Variants in FRMD3 observed in about 807,000 individuals in gnomAD.
FRMD3 encodes the protein FERM domain containing 3.
A neutral mutation model predicts 70.2 loss-of-function variants in FRMD3; 33 were observed. That is an observed-to-expected ratio of 0.47 (90% confidence interval 0.36 to 0.63). The LOEUF is 0.63. FRMD3 is among the 20% of genes least tolerant of loss of function. The probability of loss-of-function intolerance (pLI) is 0.00; values close to 1 mark genes in which losing one functional copy is unlikely to be tolerated. For synonymous variants in FRMD3, 279 were observed against 255.9 expected (o/e 1.09, Z -0.86); for missense variants, 632 against 711.4 (o/e 0.89, Z 1.27).
At chr9:83,249,480 C>T (rs1158042358) in intron 13 of FRMD3, among the ~76,000 whole-genome samples, 1 of 152,114 alleles carries the variant, frequency 6.6e-6, no homozygotes, top group African/African-American at 2.4e-5. Context: ...ATCAAAATGG[C>T]AGCCAGGTGC....
intron 1 of FRMD3, among the ~76,000 whole-genome samples, chr9:83,466,399 T>C (rs1828127715): frequency 6.6e-6 from 1 of 152,230 alleles, no homozygotes; most frequent in Non-Finnish European, 1.5e-5. Context: ...AAATTTCTGC[T>C]GTAAACAGAA....
intron 1 of FRMD3, among the ~76,000 whole-genome samples, chr9:83,494,629 A>T (rs1294428326): frequency 6.6e-6 from 1 of 152,232 alleles, no homozygotes; most frequent in Non-Finnish European, 1.5e-5. Context: ...CTGGCTGGAC[A>T]CAATGGCTCA....
At chr9:83,479,720 GAAAAGAAAGGGAAAGAAAGAAAAAGA>G (rs1828509322) in intron 1 of FRMD3, among the ~76,000 whole-genome samples, 1 of 54,966 alleles carries the variant, frequency 1.8e-5, no homozygotes, top group Non-Finnish European at 3.3e-5. Context: ...AAGAAAGAAA[GAAAAGAAAGGGAAAGAAAGAAAAAGA>G]AAAGAGAAGA....
chr9:83,458,351 A>G (rs935973759), intron 1 of FRMD3, among the ~76,000 whole-genome samples: 2 of 152,250 alleles, frequency 1.3e-5, no homozygotes, highest in Admixed American at 6.5e-5. Flanking sequence ...AAGGTACTGT[A>G]ACCCCAGGAT....
the FRMD3 span, among the ~76,000 whole-genome samples, chr9:83,556,374 C>A: frequency 6.6e-6 from 1 of 152,208 alleles, no homozygotes; most frequent in Non-Finnish European, 1.5e-5. Flanking sequence ...AATAGCCATA[C>A]ACATAGTACA....
At chr9:83,540,737 A>C (rs1446733257), upstream of FRMD3, among the ~76,000 whole-genome samples, 1 of 152,254 alleles carries the variant, frequency 6.6e-6, no homozygotes, top group Admixed American at 6.5e-5. Flanking sequence ...AAAGAAAAGT[A>C]GTGATGCACT....
intron 1 of FRMD3, among the ~76,000 whole-genome samples, chr9:83,418,273 T>C (rs576135569): frequency 2.6e-5 from 4 of 151,722 alleles, no homozygotes; most frequent in Non-Finnish European, 5.9e-5. Context: ...TAAAAATAAA[T>C]AAATGGGACC....
rs146268428 is a variant in FRMD3, at chr9:83,326,101, G to A, written c.596+9415C>T. Among the ~76,000 whole-genome samples, 3 of 152,250 alleles carry A rather than the reference G, an allele frequency of 2.0e-5. No individual in the cohort carries two copies. In the East Asian group the frequency reaches 5.8e-4, roughly 29 times the overall value. ...TGATCTGGGTCCAGAACACAGGAAC[G>A]TGAAACCACAGGAAGCCATGTCTAT... is the stretch of plus-strand genomic sequence containing the variant. On this transcript the variant is annotated intron_variant, in intron 6 of 13. Coordinates refer to ENST00000304195, the MANE Select transcript of FRMD3 (RefSeq NM_174938.6).
At chr9:83,419,879 T>C (rs997395135) in intron 1 of FRMD3, among the ~76,000 whole-genome samples, 8 of 152,238 alleles carry the variant, frequency 5.3e-5, no homozygotes, top group Admixed American at 3.9e-4. Context: ...CAAAGATTCA[T>C]CTTTTACAAC....
chr9:83,320,810 T>G (rs1048837120), intron 6 of FRMD3, among the ~76,000 whole-genome samples: 2 of 152,028 alleles, frequency 1.3e-5, no homozygotes, highest in Non-Finnish European at 2.9e-5. Context: ...CCTGGATGGA[T>G]GTTGTTTTGT....
chr9:83,449,501 A>G (rs1041534306), intron 1 of FRMD3, among the ~76,000 whole-genome samples: 1 of 152,188 alleles, frequency 6.6e-6, no homozygotes, highest in Non-Finnish European at 1.5e-5. Context: ...AATGCCATCA[A>G]ATTGGAGGAC....
chr9:83,276,842 T>C (rs1272251710), intron 13 of FRMD3, among the ~76,000 whole-genome samples: 1 of 152,216 alleles, frequency 6.6e-6, no homozygotes, highest in Non-Finnish European at 1.5e-5. Flanking sequence ...CCCGAGTAGC[T>C]GGGATTACAG....
intron 12 of FRMD3, among the ~76,000 whole-genome samples, chr9:83,295,234 C>T (rs1342036240): frequency 6.6e-6 from 1 of 152,014 alleles, no homozygotes; most frequent in East Asian, 1.9e-4. Flanking sequence ...GTAAGATGGG[C>T]AAGAAAAATA....
chr9:83,426,964 C>T (rs1017260650), intron 1 of FRMD3, among the ~76,000 whole-genome samples: 11 of 152,190 alleles, frequency 7.2e-5, no homozygotes, highest in African/African-American at 2.7e-4. Context: ...ACCAAACAAA[C>T]TTATTTCCCC....
chr9:83,324,787 A>T (rs1357011214), intron 6 of FRMD3, among the ~76,000 whole-genome samples: 1 of 152,232 alleles, frequency 6.6e-6, no homozygotes, highest in Non-Finnish European at 1.5e-5. Flanking sequence ...TCAAAGAGAA[A>T]AATAACTTGC....
At position 83,389,658 on chromosome 9, in the gene FRMD3, G is replaced by T. The variant is rs767782128; in HGVS notation, c.198C>A (p.Ser66Arg). The T allele has an allele frequency of 6.2e-7, 1 of 1,613,976 alleles. No individual in the cohort carries two copies. Among genetic ancestry groups the T allele is most frequent in the East Asian group, 2.2e-5 (1 of 44,868 alleles). The change falls in exon 2 of 14, where the codon AGC (serine) becomes AGA (arginine). Residue 66 changes from serine to arginine, a missense_variant. By Grantham distance (110) the Ser-to-Arg change is moderately radical. This residue lies in a region of FRMD3 where 208 missense variants were observed against 247.7 expected (regional missense o/e 0.84). Coordinates refer to ENST00000304195, the MANE Select transcript of FRMD3 (RefSeq NM_174938.6). ...FLIDHICNYY[S>R]LLEKDYFGIR... ...TGCCAAAGTAGTCCTTCTCCAGCAG[G>T]CTGTAGTAGTTGCAGATGTGGTCAA...
At chr9:83,486,119 T>C (rs1307888731) in intron 1 of FRMD3, among the ~76,000 whole-genome samples, 2 of 152,146 alleles carry the variant, frequency 1.3e-5, no homozygotes, top group Non-Finnish European at 2.9e-5. Flanking sequence ...CAAGAACATA[T>C]TTATTTATGT....
intron 1 of FRMD3, among the ~76,000 whole-genome samples, chr9:83,458,360 A>T (rs1054471083): frequency 1.3e-5 from 2 of 152,244 alleles, no homozygotes; most frequent in Non-Finnish European, 2.9e-5. Flanking sequence ...TAACCCCAGG[A>T]TCTGGCCAAA....
At chr9:83,359,092 AATG>A (rs1352219093) in intron 3 of FRMD3, among the ~76,000 whole-genome samples, 6 of 152,144 alleles carry the variant, frequency 3.9e-5, no homozygotes, top group Non-Finnish European at 7.3e-5. Context: ...CTCTTACTGA[AATG>A]ATAATCACTG....
Sources: allele counts gnomAD v4.1 joint callset (sites outside exome capture counted in the v4.1 genomes callset), GRCh38; gene constraint gnomAD v4.1.1; regional missense constraint gnomAD v4.1.1; transcripts MANE v1.5; gene names NCBI Gene and HGNC (gene_info 2026-07-23, HGNC 2026-07-21).